The following KCNH1 variants were observed in gnomAD, a reference collection of about 807,000 sequenced individuals.
The protein encoded by KCNH1 is voltage-gated delayed rectifier potassium channel KCNH1.
Under a neutral mutation model 69.2 loss-of-function variants are expected in KCNH1, and 27 were observed. The observed-to-expected ratio is 0.39, with a 90% CI of 0.29 to 0.54. The LOEUF (loss-of-function observed/expected upper bound fraction) is 0.54. KCNH1 is among the 20% of genes least tolerant of loss of function. The probability of loss-of-function intolerance (pLI) is 0.68; values close to 1 mark genes in which losing one functional copy is unlikely to be tolerated. For missense variants in KCNH1, 798 were observed against 1,261.6 expected (o/e 0.63, Z 5.57); for synonymous variants, 456 against 487.7 (o/e 0.93, Z 0.86).
intron 3 of KCNH1, among the ~76,000 whole-genome samples, chr1:211,101,016 G>A (rs576459701): frequency 3.9e-5 from 6 of 152,168 alleles, no homozygotes; most frequent in Non-Finnish European, 8.8e-5. Context: ...TTCAGCCTGG[G>A]ATACTCTTGG....
At chr1:210,729,933 C>T (rs1042894896) in intron 10 of KCNH1, among the ~76,000 whole-genome samples, 20 of 152,056 alleles carry the variant, frequency 1.3e-4, no homozygotes, top group African/African-American at 4.8e-4. Context: ...CTTTTTCTGC[C>T]CAACCCACAC....
intron 8 of KCNH1, among the ~76,000 whole-genome samples, chr1:210,798,242 T>C (rs1445030210): frequency 2.0e-5 from 3 of 152,030 alleles, no homozygotes; most frequent in African/African-American, 4.8e-5. Context: ...GGTTTCATCA[T>C]GTTAGCCAGG....
At chr1:211,031,684 GA>G (rs1352265935) in intron 5 of KCNH1, among the ~76,000 whole-genome samples, 5 of 152,154 alleles carry the variant, frequency 3.3e-5, no homozygotes, top group African/African-American at 1.2e-4. Context: ...AACAGATGCA[GA>G]AAAGGCCTTT....
chr1:211,055,911 G>A (rs569171346), intron 5 of KCNH1, among the ~76,000 whole-genome samples: 77 of 152,328 alleles, frequency 5.1e-4, no homozygotes, highest in African/African-American at 1.8e-3. Flanking sequence ...ATCAGGAATG[G>A]TAACCAGGCA....
At chr1:211,042,672 A>G (rs1336791963) in intron 5 of KCNH1, among the ~76,000 whole-genome samples, 1 of 152,208 alleles carries the variant, frequency 6.6e-6, no homozygotes, top group Non-Finnish European at 1.5e-5. Context: ...TTTACATTCT[A>G]TTCATCAGCA....
chr1:210,885,496 G>GTT (rs34976360), intron 7 of KCNH1, among the ~76,000 whole-genome samples: 2 of 150,344 alleles, frequency 1.3e-5, no homozygotes, highest in African/African-American at 4.9e-5. Context: ...TTGGGCAGGA[G>GTT]TTTTTTTTTT....
intron 6 of KCNH1, among the ~76,000 whole-genome samples, chr1:210,946,346 G>A (rs1687958569): frequency 6.6e-6 from 1 of 152,082 alleles, no homozygotes; most frequent in African/African-American, 2.4e-5. Flanking sequence ...GCCTTAGGGA[G>A]GCAAGATGCC....
intron 1 of KCNH1, among the ~76,000 whole-genome samples, chr1:211,128,015 G>T (rs1391173828): frequency 6.6e-6 from 1 of 152,188 alleles, no homozygotes; most frequent in Non-Finnish European, 1.5e-5. Context: ...AACAGGCCAG[G>T]CGTGGTGGCT....
chr1:210,829,244 A>G (rs570620870), intron 7 of KCNH1, among the ~76,000 whole-genome samples: 1 of 152,126 alleles, frequency 6.6e-6, no homozygotes, highest in Admixed American at 6.5e-5. Context: ...TTCAATAGAT[A>G]TATTTGTTAA....
At chr1:210,935,448 C>T (rs1263021747) in intron 6 of KCNH1, among the ~76,000 whole-genome samples, 1 of 152,070 alleles carries the variant, frequency 6.6e-6, no homozygotes, top group East Asian at 1.9e-4. Context: ...TACCCTATAG[C>T]ACTGCAGGGT....
intron 6 of KCNH1, among the ~76,000 whole-genome samples, chr1:210,939,662 G>C (rs2102586238): frequency 6.6e-6 from 1 of 152,312 alleles, no homozygotes; most frequent in Middle Eastern, 3.4e-3. Flanking sequence ...TAATCATCAT[G>C]ACCTTTTGAG....
chr1:211,084,859 C>G (rs1690925415), intron 4 of KCNH1, among the ~76,000 whole-genome samples: 1 of 152,084 alleles, frequency 6.6e-6, no homozygotes. Flanking sequence ...CTACTATGTA[C>G]CAGGCATGGT....
chr1:211,070,426 A>ACACAC (rs1553376612), intron 5 of KCNH1, among the ~76,000 whole-genome samples: 60 of 108,474 alleles, frequency 5.5e-4, no homozygotes, highest in African/African-American at 1.8e-3. Flanking sequence ...TTTAAAAAAA[A>ACACAC]AAAAACACAC....
chr1:210,859,497 A>G (rs930404459), intron 7 of KCNH1: 26 of 1,602,864 alleles, frequency 1.6e-5, no homozygotes, highest in East Asian at 6.7e-5. Context: ...CTTCTTCCCA[A>G]TCTTCATCAT....
At chr1:210,823,453 G>C (rs1684970244) in intron 7 of KCNH1, among the ~76,000 whole-genome samples, 1 of 152,130 alleles carries the variant, frequency 6.6e-6, no homozygotes, top group African/African-American at 2.4e-5. Context: ...TTGCATTTAG[G>C]AAAGTCCCAA....
intron 5 of KCNH1, among the ~76,000 whole-genome samples, chr1:211,078,934 A>AAAAAG (rs1553377558): frequency 8.7e-4 from 124 of 142,342 alleles, no homozygotes; most frequent in Middle Eastern, 3.8e-3. Flanking sequence ...AAAAAAAAAA[A>AAAAAG]AAAGAAAGAA....
intron 1 of KCNH1, among the ~76,000 whole-genome samples, chr1:211,131,082 G>A (rs1019339528): frequency 6.6e-6 from 1 of 152,068 alleles, no homozygotes; most frequent in African/African-American, 2.4e-5. Context: ...GGACTCAAAT[G>A]GTTTGGGGCC....
intron 4 of KCNH1, among the ~76,000 whole-genome samples, chr1:211,086,461 G>A (rs554353647): frequency 6.6e-5 from 10 of 152,244 alleles, no homozygotes; most frequent in Admixed American, 2.6e-4. Flanking sequence ...ACAGGGCTGC[G>A]GATGCCATGA....
In KCNH1 at chr1:210,742,866, C is replaced by T. The variant is rs560781756; in HGVS notation, c.2112+32482G>A. Among the ~76,000 whole-genome samples the T allele has an allele frequency of 2.3e-4, 35 of 152,034 alleles. 1 individual carries two copies. Among genetic ancestry groups the T allele is most frequent in the South Asian group, 2.1e-3 (10 of 4,814 alleles). ...GTCTGTGTGTGTGTGTGCGCGCGCGCGTGCACGTGCATGTGTGTGTGTTTT... is the reference window on the plus strand; with the variant it reads ...GTCTGTGTGTGTGTGTGCGCGCGCGTGTGCACGTGCATGTGTGTGTGTTTT... On this transcript the variant is annotated intron_variant, in intron 10 of 10. Transcript: ENST00000271751.
Sources: allele counts gnomAD v4.1 joint callset (sites outside exome capture counted in the v4.1 genomes callset), GRCh38; gene constraint gnomAD v4.1.1; transcripts MANE v1.5; gene names NCBI Gene and HGNC (gene_info 2026-07-23, HGNC 2026-07-21).